Variants in WAS observed in about 807,000 individuals in gnomAD.
WAS encodes the protein actin nucleation-promoting factor WAS.
In WAS, 1 loss-of-function variant was observed where a neutral mutation model predicts 38.9. The ratio of observed to expected loss-of-function variants is 0.03; its 90% CI spans 0.01 to 0.12. The LOEUF is 0.12. Among genes scored for constraint, WAS ranks in the 10% least tolerant of loss-of-function variants. WAS has a pLI of 1.00. For missense variants in WAS, 311 were observed against 431.2 expected, an observed-to-expected ratio of 0.72 and a Z score of 2.47; for synonymous variants, 182 against 173.6, an observed-to-expected ratio of 1.05 and a Z score of -0.38.
Position 48,684,437 on chromosome X carries a change from C to G in WAS, c.273+14C>G, listed in dbSNP as rs782249573. 13 of 1,201,749 alleles carry G rather than the reference C, an allele frequency of 1.1e-5. No individual in the cohort carries two copies. The highest frequency in any genetic ancestry group is 1.5e-5 in the Non-Finnish European group (13 of 890,847). ...TACGGCCTTCAGGTGACCCCCCCAC[C>G]CCCGACTGGACTTGCAAGCCAGTTC... On this transcript the variant is annotated intron_variant, in intron 2 of 11. Transcript: ENST00000376701.
At position 48,691,235 on chromosome X, in the gene WAS, C is replaced by CCCT. The variant is rs1569494240; in HGVS notation, c.*76_*78dup. 1.2e-5 allele frequency: 12 copies of CCCT among 1,036,873 alleles called. No homozygotes were observed. The highest frequency in any genetic ancestry group is 2.3e-5 in the Admixed American group (1 of 43,876). The allele number at this position is 1,036,873 out of a possible 1,213,427, so 85.4% of individuals were successfully genotyped here. A position where few individuals can be genotyped will look rare whatever the true frequency, so the allele number is the denominator to read the frequency against. On this transcript the variant is annotated 3_prime_UTR_variant, in exon 12 of 12. Coordinates refer to ENST00000376701, the MANE Select transcript of WAS (RefSeq NM_000377.3). ...TCCCCCTCCACCTGCTCTGTGCCCA[C>CCCT]CCTCCACTCTCCTCTTCCAGGCCCC... is the stretch of plus-strand genomic sequence containing the variant.
Position 48,689,002 on chromosome X carries a change from T to C in WAS, c.1274T>C (p.Leu425Pro). ...LPPALVPAGG[L>P]APGGGRGALL... ...CCTGCTCTGGTGCCTGCCGGGGGCC[T>C]GGCCCCTGGTGGGGGTCGGGGAGCG... Residue 425 changes from leucine (L) to proline (P), a missense_variant, in exon 10 of 12, where the codon CTG becomes CCG. This residue lies in a region of WAS where 142 missense variants were observed against 157.6 expected (regional missense o/e 0.90). Coordinates refer to ENST00000376701, the MANE Select transcript of WAS (RefSeq NM_000377.3). 8.3e-7 allele frequency: 1 copy of C among 1,201,090 alleles called. No individual in the cohort carries two copies.
rs781927248 is a variant in WAS, at chrX:48,685,650, C to T, written c.360+17C>T. On this transcript the variant is annotated intron_variant, in intron 3 of 11. Coordinates refer to ENST00000376701, the MANE Select transcript of WAS (RefSeq NM_000377.3). Reference sequence around the variant, plus strand: ...GCTGGAGATGTAAGTGATCAACCAGCCCTCGGGCCTCACTTGGGGTGTGGA... The same window carrying T: ...GCTGGAGATGTAAGTGATCAACCAGTCCTCGGGCCTCACTTGGGGTGTGGA... 2.5e-6 allele frequency: 3 copies of T among 1,185,177 alleles called. No individual in the cohort carries two copies. The South Asian group carries it at 5.6e-5, about 22-fold the overall frequency.
intron 6 of WAS, 64 bp from the exon 7 acceptor site, chrX:48,686,717 T>G: frequency 8.5e-7 from 1 of 1,176,765 alleles, no homozygotes; most frequent in Non-Finnish European, 1.2e-6. Context: ...TTCCGTTTCT[T>G]GCCCCTGTGC....
At position 48,688,287 on chromosome X, in the gene WAS, T is replaced by C. The variant is rs1456256994; in HGVS notation, c.778-13T>C. On this transcript the variant is annotated splice_polypyrimidine_tract_variant and intron_variant, in intron 8 of 11. Coordinates refer to ENST00000376701, the MANE Select transcript of WAS (RefSeq NM_000377.3). ...CCTCTACTCCTGCCCCTGGCCTTTT[T>C]CCTCCTGGGCAGGTGAACAACCTCG... The C allele has an allele frequency of 8.4e-7, 1 of 1,195,440 alleles. No homozygotes were observed. Among genetic ancestry groups the C allele is most frequent in the African/African-American group, 1.8e-5 (1 of 56,789 alleles).
At chrX:48,681,923 T>A (rs1569493527), upstream of WAS, among the ~76,000 whole-genome samples, 3 of 111,892 alleles carry the variant, frequency 2.7e-5, no homozygotes, top group African/African-American at 9.7e-5. Context: ...TTCAGGTACC[T>A]GGGAATGTCA....
At chrX:48,689,563 G>A (rs1444418779) in intron 11 of WAS, 129 bp downstream of exon 11, 1 of 564,379 alleles carries the variant, frequency 1.8e-6, no homozygotes, top group African/African-American at 2.3e-5. Flanking sequence ...TGAATCTTGT[G>A]TCAGCCTCGT....
chrX:48,686,659 C>A, intron 6 of WAS, 122 bp from the exon 7 acceptor site: 4 of 837,400 alleles, frequency 4.8e-6, no homozygotes, highest in Non-Finnish European at 6.9e-6. Context: ...AACCCTTCAC[C>A]CACTACCTCC....
At chrX:48,677,761 T>TGTGAA (rs200805813) in intron 1 of WAS, among the ~76,000 whole-genome samples, 1,245 of 112,246 alleles carry the variant, frequency 0.011, 17 homozygotes, top group African/African-American at 0.039. Flanking sequence ...TGTGTAGAAC[T>TGTGAA]CTCTGTGCAA....
rs2062432588 is a variant in WAS, at chrX:48,689,372, A to G, written c.1391A>G (p.Glu464Gly). The G allele has an allele frequency of 3.3e-6, 4 of 1,209,967 alleles. No homozygotes were observed. Among genetic ancestry groups the G allele is most frequent in the Non-Finnish European group, 4.5e-6 (4 of 894,915 alleles). Reference protein sequence around the residue: ...SALQPPPQSSEGLVGALMHVM... With the variant: ...SALQPPPQSSGGLVGALMHVM... ...CTGCAGCCACCACCTCAGAGCTCAG[A>G]GGGACTGGTGGGGGCCCTGATGCAC... The change falls in exon 11 of 12, where the codon GAG becomes GGG. Residue 464 changes from glutamate to glycine, a missense_variant. By Grantham distance (98) the Glu-to-Gly change is moderately conservative. Around this residue, in one of 4 missense-constraint regions of WAS, gnomAD observed 142 missense variants for 157.6 expected, o/e 0.90. Coordinates refer to ENST00000376701, the MANE Select transcript of WAS (RefSeq NM_000377.3).
At chrX:48,680,872 A>AAAC (rs1283383429), upstream of WAS, among the ~76,000 whole-genome samples, 1 of 112,153 alleles carries the variant, frequency 8.9e-6, no homozygotes, top group African/African-American at 3.2e-5. Flanking sequence ...TTCACATTAA[A>AAAC]AACAACAACA....
chrX:48,684,453 A>G, intron 2 of WAS, 30 bp downstream of exon 2: 2 of 1,191,757 alleles, frequency 1.7e-6, no homozygotes, highest in Non-Finnish European at 2.3e-6. Context: ...CTGGACTTGC[A>G]AGCCAGTTCT....
chrX:48,677,511 TATC>T (rs782541070), intron 1 of WAS, among the ~76,000 whole-genome samples: 4 of 112,076 alleles, frequency 3.6e-5, no homozygotes, highest in Non-Finnish European at 7.5e-5. Context: ...TAACTACTAT[TATC>T]ATCTTCGCGT....
At position 48,689,009 on chromosome X, in the gene WAS, T is replaced by C. The variant is rs1557007325; in HGVS notation, c.1281T>C (p.Pro427=). ...TGGTGCCTGCCGGGGGCCTGGCCCCTGGTGGGGGTCGGGGAGCGCTTTTGG... is the reference window on the plus strand; with the variant it reads ...TGGTGCCTGCCGGGGGCCTGGCCCCCGGTGGGGGTCGGGGAGCGCTTTTGG... ...PALVPAGGLA[P]GGGRGALLDQ... is the part of the protein sequence containing the mutation. The change falls in exon 10 of 12, where the codon CCT becomes CCC. Residue 427 remains proline, a synonymous_variant. Coordinates refer to ENST00000376701, the MANE Select transcript of WAS (RefSeq NM_000377.3). 2.5e-6 allele frequency: 3 copies of C among 1,202,805 alleles called. No homozygotes were observed. Among genetic ancestry groups the C allele is most frequent in the East Asian group, 3.0e-5 (1 of 33,592 alleles).
At chrX:48,677,665 G>C (rs3975650) in intron 1 of WAS, among the ~76,000 whole-genome samples, 3 of 111,746 alleles carry the variant, frequency 2.7e-5, no homozygotes, top group African/African-American at 9.8e-5. Flanking sequence ...AGATGTCTCT[G>C]CTTTCTGTGC....
chrX:48,679,964 G>T (rs1416911242), upstream of WAS, among the ~76,000 whole-genome samples: 1 of 111,568 alleles, frequency 9.0e-6, no homozygotes, highest in East Asian at 2.8e-4. Context: ...ACCCCTTTCC[G>T]GTAACATCTT....
At chrX:48,680,808 C>T (rs2062399141), upstream of WAS, among the ~76,000 whole-genome samples, 1 of 112,173 alleles carries the variant, frequency 8.9e-6, no homozygotes, top group African/African-American at 3.2e-5. Context: ...CAAGCTGCTG[C>T]TCTGCCTATG....
At chrX:48,690,582 T>TC (rs2062436662) in intron 11 of WAS, among the ~76,000 whole-genome samples, 1 of 110,204 alleles carries the variant, frequency 9.1e-6, no homozygotes, top group Non-Finnish European at 1.9e-5. Flanking sequence ...CAATGATTTT[T>TC]TTTTTCTTTT....
chrX:48,689,045 G>C lies in WAS; in HGVS notation c.1317G>C (p.Arg439=). ...GGGGAGCGCTTTTGGATCAAATCCG[G>C]CAGGGAATTCAGCTGAACAAGGTGA... The part of the protein sequence containing the change: ...GGRGALLDQI[R]QGIQLNKTPG... The change falls in exon 10 of 12, where the codon CGG becomes CGC. Residue 439 remains arginine (R), a synonymous_variant. Transcript: ENST00000376701. The C allele has an allele frequency of 8.3e-7, 1 of 1,204,308 alleles. No homozygotes were observed. Among genetic ancestry groups the C allele is most frequent in the Non-Finnish European group, 1.1e-6 (1 of 894,789 alleles).
Sources: allele counts gnomAD v4.1 joint callset (sites outside exome capture counted in the v4.1 genomes callset), GRCh38; gene constraint gnomAD v4.1.1; regional missense constraint gnomAD v4.1.1; transcripts MANE v1.5; gene names NCBI Gene and HGNC (gene_info 2026-07-23, HGNC 2026-07-21).